The following ALDH1L1 variants were observed in gnomAD, a reference collection of about 807,000 sequenced individuals.
ALDH1L1 encodes the protein aldehyde dehydrogenase 1 family member L1.
A neutral mutation model predicts 101.1 loss-of-function variants in ALDH1L1; 68 were observed. The observed-to-expected ratio is 0.67, with a 90% confidence interval of 0.55 to 0.82. The LOEUF (loss-of-function observed/expected upper bound fraction) is 0.82, where lower values mean the gene tolerates loss of function less well. ALDH1L1 is among the 40% of genes least tolerant of loss of function. The probability of loss-of-function intolerance (pLI) is 0.00; values close to 1 mark genes in which losing one functional copy is unlikely to be tolerated. For synonymous variants in ALDH1L1, 486 were observed against 470.8 expected, an observed-to-expected ratio of 1.03 and a Z score of -0.42; for missense variants, 1,087 against 1,172.7, an observed-to-expected ratio of 0.93 and a Z score of 1.07.
At chr3:126,145,636 T>G (rs2080659182) in intron 9 of ALDH1L1, among the ~76,000 whole-genome samples, 1 of 152,170 alleles carries the variant, frequency 6.6e-6, no homozygotes, top group Non-Finnish European at 1.5e-5. Flanking sequence ...GTGGCCAAGC[T>G]CATCAGAGCA....
At chr3:126,195,939 A>G (rs926708195) in intron 1 of ALDH1L1, among the ~76,000 whole-genome samples, 1 of 152,162 alleles carries the variant, frequency 6.6e-6, no homozygotes, top group African/African-American at 2.4e-5. Flanking sequence ...AGGAAGGGGA[A>G]CATCACACAC....
At position 126,154,663 on chromosome 3, in the gene ALDH1L1, T is replaced by C; in HGVS notation, c.631-20A>G. 1 of 1,611,388 alleles carries C rather than the reference T, an allele frequency of 6.2e-7. No homozygotes were observed. The highest frequency in any genetic ancestry group is 8.5e-7 in the Non-Finnish European group (1 of 1,177,660). On this transcript the variant is annotated intron_variant, in intron 5 of 22. Transcript: ENST00000393434. Reference sequence around the variant, plus strand: ...GTTGATCTGTGGGGAGCAAGGTGTGTGTGCTCAGCTGGTCTCTCCTCACTC... The same window carrying C: ...GTTGATCTGTGGGGAGCAAGGTGTGCGTGCTCAGCTGGTCTCTCCTCACTC...
chr3:126,141,034 T>C (rs1370357040), intron 9 of ALDH1L1, among the ~76,000 whole-genome samples: 1 of 151,990 alleles, frequency 6.6e-6, no homozygotes, highest in African/African-American at 2.4e-5. Context: ...CCAGCATCCA[T>C]ACATATGCTA....
intron 16 of ALDH1L1, among the ~76,000 whole-genome samples, chr3:126,122,174 A>T (rs116304758): frequency 2.7e-3 from 414 of 152,358 alleles, no homozygotes; most frequent in Non-Finnish European, 4.5e-3. Flanking sequence ...CCCACCTTAC[A>T]GGAAATACTA....
Position 126,136,903 on chromosome 3 carries a change from G to T in ALDH1L1, c.1225-20C>A, listed in dbSNP as rs2080459235. 6.2e-7 allele frequency: 1 copy of T among 1,613,276 alleles called. No homozygotes were observed. The highest frequency in any genetic ancestry group is 1.3e-5 in the African/African-American group (1 of 75,040). ...TTCCACCTGAAAGAAAGGCCCCAGT[G>T]ACAAGCACAAACCCATGCAGGGTGC... On this transcript the variant is annotated intron_variant, in intron 10 of 22. Transcript: ENST00000393434.
chr3:126,152,564 C>T (rs2080825830), intron 7 of ALDH1L1: 1 of 152,502 alleles, frequency 6.6e-6, no homozygotes, highest in African/African-American at 2.4e-5. Context: ...TGCCACGCCT[C>T]ACTCTGGTAG....
chr3:126,103,888 C>G, intron 22 of ALDH1L1, 42 bp from the exon 23 acceptor site: 1 of 1,603,504 alleles, frequency 6.2e-7, no homozygotes. Context: ...CCACCACAGG[C>G]AGGGCACTGC....
intron 1 of ALDH1L1, among the ~76,000 whole-genome samples, chr3:126,187,121 C>T (rs1010392660): frequency 1.3e-5 from 2 of 151,984 alleles, no homozygotes; most frequent in Non-Finnish European, 2.9e-5. Flanking sequence ...AAGAGAAGGT[C>T]ATGGTGGGAA....
chr3:126,121,627 C>A (rs1478712141), intron 16 of ALDH1L1, among the ~76,000 whole-genome samples: 1 of 152,200 alleles, frequency 6.6e-6, no homozygotes, highest in Non-Finnish European at 1.5e-5. Flanking sequence ...GATCTAAAAA[C>A]AACCACTTAA....
intron 9 of ALDH1L1, among the ~76,000 whole-genome samples, chr3:126,143,684 T>C (rs550267436): frequency 1.2e-4 from 19 of 152,318 alleles, no homozygotes; most frequent in East Asian, 5.8e-4. Context: ...GGGCCAAGTG[T>C]AACGCCTCAC....
At chr3:126,148,714 G>A (rs373184628) in intron 8 of ALDH1L1, among the ~76,000 whole-genome samples, 1 of 150,920 alleles carries the variant, frequency 6.6e-6, no homozygotes, top group East Asian at 2.0e-4. Flanking sequence ...ACTGCATAGA[G>A]TTGTTATCAT....
intron 9 of ALDH1L1, 30 bp downstream of exon 9, chr3:126,146,805 G>A: frequency 6.2e-7 from 1 of 1,607,164 alleles, no homozygotes; most frequent in Non-Finnish European, 8.5e-7. Context: ...CCAAGTACCT[G>A]GGACAGGACC....
At chr3:126,154,435 A>G in intron 6 of ALDH1L1, 119 bp downstream of exon 6, 1 of 1,026,970 alleles carries the variant, frequency 9.7e-7, no homozygotes. Flanking sequence ...ACCCAGTGGG[A>G]GTAGGGGCCA....
At chr3:126,108,576 A>G (rs1047748118) in intron 20 of ALDH1L1, among the ~76,000 whole-genome samples, 1 of 152,190 alleles carries the variant, frequency 6.6e-6, no homozygotes, top group Admixed American at 6.5e-5. Context: ...GAAGAGGGTA[A>G]GTGGACAGTG....
At chr3:126,180,833 A>C, upstream of ALDH1L1, 1 of 1,543,958 alleles carries the variant, frequency 6.5e-7, no homozygotes, top group Admixed American at 2.0e-5. Context: ...GGGCTTTGAA[A>C]AGTCCCAAGC....
At chr3:126,112,011 C>T (rs1347855195) in intron 19 of ALDH1L1, among the ~76,000 whole-genome samples, 2 of 152,186 alleles carry the variant, frequency 1.3e-5, no homozygotes, top group Non-Finnish European at 2.9e-5. Flanking sequence ...GAAGGTAATG[C>T]TGGTGCCATC....
intron 13 of ALDH1L1, 59 bp downstream of exon 13, chr3:126,131,325 C>G: frequency 6.7e-7 from 1 of 1,497,162 alleles, no homozygotes. Context: ...CCTTGGAGTT[C>G]TCCTATATGG....
At position 126,130,216 on chromosome 3, in the gene ALDH1L1, A is replaced by G. The variant is rs781352763; in HGVS notation, c.1694+7T>C. ...GAGGCTGCACCTCGCCCTGGGCAGG[A>G]ACTCACCCAACAGGCTCCTTCCTGG... On this transcript the variant is annotated splice_region_variant and intron_variant, in intron 14 of 22. Transcript: ENST00000393434. The G allele has an allele frequency of 6.2e-7, 1 of 1,604,764 alleles. No individual in the cohort carries two copies. The highest frequency in any genetic ancestry group is 8.5e-7 in the Non-Finnish European group (1 of 1,175,604).
chr3:126,172,161 A>G (rs2081290874), intron 1 of ALDH1L1, among the ~76,000 whole-genome samples: 1 of 152,252 alleles, frequency 6.6e-6, no homozygotes, highest in Admixed American at 6.5e-5. Context: ...CCAATACATT[A>G]TATCTGATTT....
Sources: allele counts gnomAD v4.1 joint callset (sites outside exome capture counted in the v4.1 genomes callset), GRCh38; gene constraint gnomAD v4.1.1; transcripts MANE v1.5; gene names NCBI Gene and HGNC (gene_info 2026-07-23, HGNC 2026-07-21).